The following TMPRSS7 variants were observed in gnomAD, a reference collection of about 807,000 sequenced individuals.
TMPRSS7 encodes transmembrane serine protease 7.
TMPRSS7 carries 81 observed loss-of-function variants against 95.6 expected under a neutral mutation model. That is an observed-to-expected ratio of 0.85 (90% CI 0.71 to 1.02). The LOEUF (loss-of-function observed/expected upper bound fraction) is 1.02. Ranked by LOEUF, TMPRSS7 falls within the 50% of genes least tolerant of loss-of-function variation. The pLI is 0.00. For missense variants in TMPRSS7, 945 were observed against 955.2 expected (o/e 0.99, Z 0.14); for synonymous variants, 364 against 337.8 (o/e 1.08, Z -0.85).
chr3:112,037,381 A>T (rs557887699), intron 1 of TMPRSS7, among the ~76,000 whole-genome samples: 1 of 152,314 alleles, frequency 6.6e-6, no homozygotes, highest in Non-Finnish European at 1.5e-5. Flanking sequence ...CAGCACCCCC[A>T]GGCTTGCTAG....
chr3:112,050,530 A>AAAAAAC (rs1291692375), intron 8 of TMPRSS7, 141 bp from the exon 9 acceptor site: 1 of 363,876 alleles, frequency 2.7e-6, no homozygotes, highest in Middle Eastern at 6.8e-4. Flanking sequence ...CTGAAAAAAA[A>AAAAAAC]AAAAAAAACC....
intron 7 of TMPRSS7, 145 bp from the exon 8 acceptor site, chr3:112,049,699 G>T: frequency 1.7e-6 from 1 of 580,694 alleles, no homozygotes; most frequent in Non-Finnish European, 2.7e-6. Context: ...ACTAATGGAT[G>T]AGGATCTGGC....
chr3:112,068,315 T>A lies in TMPRSS7; in HGVS notation c.1666+1813T>A, dbSNP rs113154462. 4.1e-3 allele frequency among the ~76,000 whole-genome samples: 629 copies of A among 152,326 alleles called. 5 individuals are homozygous for A. Among genetic ancestry groups the A allele is most frequent in the African/African-American group, 0.014 (581 of 41,562 alleles). The stretch of plus-strand genomic sequence containing the variant: ...ATTGTCTTGGCAATGCAGGCTCTTT[T>A]TTGGTTCCATATGAACTTAAAGTAG... On this transcript the variant is annotated intron_variant, in intron 13 of 17. Coordinates refer to ENST00000452346, the Ensembl canonical transcript of TMPRSS7.
At chr3:112,054,729 C>CTTTTTTT (rs1161735611) in intron 9 of TMPRSS7, among the ~76,000 whole-genome samples, 813 of 49,018 alleles carry the variant, frequency 0.017, 312 homozygotes, top group East Asian at 0.031. Flanking sequence ...TCTCAGTTTG[C>CTTTTTTT]TTTTTTTTTT....
intron 17 of TMPRSS7, among the ~76,000 whole-genome samples, chr3:112,079,988 C>G (rs775915618): frequency 1.3e-5 from 2 of 152,078 alleles, no homozygotes; most frequent in Non-Finnish European, 2.9e-5. Context: ...CAGCCCTGTT[C>G]CACACAGCCA....
chr3:112,041,077 CAA>C (rs35859400), intron 2 of TMPRSS7, among the ~76,000 whole-genome samples: 43 of 122,938 alleles, frequency 3.5e-4, no homozygotes, highest in Non-Finnish European at 4.4e-4. Context: ...AGTCTGCAAC[CAA>C]AAAAAAAAAA....
chr3:112,074,359 C>A (rs2073688301), exon 14 of TMPRSS7: 2 of 1,613,978 alleles, frequency 1.2e-6, no homozygotes, highest in East Asian at 2.2e-5. Flanking sequence ...AAACAAAATG[C>A]AAAATGTGAT....
At chr3:112,034,976 A>G (rs567545254) in intron 1 of TMPRSS7, 83 bp downstream of exon 1, 1 of 683,718 alleles carries the variant, frequency 1.5e-6, no homozygotes, top group Non-Finnish European at 2.6e-6. Flanking sequence ...GTATGACCTT[A>G]TAAACATAAA....
chr3:112,050,534 A>C (rs1576103943), intron 8 of TMPRSS7, 137 bp from the exon 9 acceptor site: 1 of 377,026 alleles, frequency 2.7e-6, no homozygotes, highest in Non-Finnish European at 4.9e-6. Context: ...AAAAAAAAAA[A>C]AAAACCCAAA....
At position 112,075,306 on chromosome 3, in the gene TMPRSS7, C is replaced by T. The variant is rs974952991; in HGVS notation, c.1784-15C>T. 19 of 1,398,404 alleles carry T rather than the reference C, an allele frequency of 1.4e-5. No homozygotes were observed. The highest frequency in any genetic ancestry group is 1.8e-5 in the Non-Finnish European group (19 of 1,067,082). 86.6% of individuals were successfully genotyped at this position (1,398,404 alleles called of 1,614,324 possible). A position where few individuals can be genotyped will look rare whatever the true frequency, so the allele number is the denominator to read the frequency against. ...CAAGTCTACCTTTAAATCACATGCC[C>T]TTTCTCCACCAAAGCCTGCAGCAGG... On this transcript the variant is annotated splice_polypyrimidine_tract_variant and intron_variant, in intron 14 of 17. Coordinates refer to ENST00000452346, the Ensembl canonical transcript of TMPRSS7.
intron 9 of TMPRSS7, among the ~76,000 whole-genome samples, chr3:112,053,546 G>A (rs920708): frequency 0.25 from 38,612 of 152,138 alleles, 4,994 homozygotes; most frequent in Middle Eastern, 0.28. Flanking sequence ...AGAAGGAACA[G>A]ATAAGTACAA....
intron 6 of TMPRSS7, among the ~76,000 whole-genome samples, chr3:112,047,245 C>T (rs2073290424): frequency 6.6e-6 from 1 of 152,174 alleles, no homozygotes; most frequent in Non-Finnish European, 1.5e-5. Context: ...AAAATATCAT[C>T]AGAACTCTGC....
chr3:112,072,823 C>T (rs577991576), intron 13 of TMPRSS7, among the ~76,000 whole-genome samples: 3 of 152,244 alleles, frequency 2.0e-5, no homozygotes, highest in African/African-American at 7.2e-5. Context: ...CATTTATGGA[C>T]ATTTGGGTTG....
In TMPRSS7 at chr3:112,057,027, T is replaced by C. The variant is rs960413785; in HGVS notation, c.1206T>C (p.Thr402=). Residue 402 remains threonine, a splice_region_variant and synonymous_variant, in exon 10 of 18, where the codon ACT becomes ACC. Transcript: ENST00000452346. ...TGACTTAATGTTTATTTTCACAGACTTCTCTATCAACTCTTGGCATAGCAC... is the reference window on the plus strand; with the variant it reads ...TGACTTAATGTTTATTTTCACAGACCTCTCTATCAACTCTTGGCATAGCAC... 3 of 1,596,888 alleles carry C rather than the reference T, an allele frequency of 1.9e-6. No homozygotes were observed. In the African/African-American group the frequency reaches 4.0e-5, roughly 21 times the overall value.
At chr3:112,039,108 T>C (rs974114497) in intron 2 of TMPRSS7, among the ~76,000 whole-genome samples, 5 of 152,230 alleles carry the variant, frequency 3.3e-5, no homozygotes, top group African/African-American at 4.8e-5. Flanking sequence ...TTTGTTGATC[T>C]GACTGATCCT....
intron 1 of TMPRSS7, among the ~76,000 whole-genome samples, chr3:112,035,322 C>G (rs557229702): frequency 6.6e-6 from 1 of 152,308 alleles, no homozygotes; most frequent in South Asian, 2.1e-4. Context: ...ATGTTTCTCT[C>G]TTTAGAAACC....
chr3:112,048,157 T>C (rs2073302748), intron 7 of TMPRSS7, among the ~76,000 whole-genome samples, 190 bp downstream of exon 7: 1 of 152,166 alleles, frequency 6.6e-6, no homozygotes, highest in Non-Finnish European at 1.5e-5. Flanking sequence ...TCAGTCTCAA[T>C]GTTTGTTTTC....
intron 13 of TMPRSS7, among the ~76,000 whole-genome samples, chr3:112,068,084 C>T (rs2073598071): frequency 6.6e-6 from 1 of 152,168 alleles, no homozygotes; most frequent in African/African-American, 2.4e-5. Flanking sequence ...AATAGGGAAT[C>T]CTTTCTCCAT....
chr3:112,080,222 T>C (rs972228416), intron 17 of TMPRSS7, among the ~76,000 whole-genome samples: 1 of 152,256 alleles, frequency 6.6e-6, no homozygotes, highest in Admixed American at 6.5e-5. Context: ...GTGGAAATTA[T>C]GTTTATACTT....
Sources: allele counts gnomAD v4.1 joint callset (sites outside exome capture counted in the v4.1 genomes callset), GRCh38; gene constraint gnomAD v4.1.1; transcripts MANE v1.5; gene names NCBI Gene and HGNC (gene_info 2026-07-23, HGNC 2026-07-21).